NSUN7: variants seen among roughly 807,000 people sequenced by gnomAD.
The protein encoded by NSUN7 is NOP2/Sun RNA methyltransferase family member 7, also known as protein NSUN7.
NSUN7 carries 39 observed loss-of-function variants against 58.5 expected under a neutral mutation model. The ratio of observed to expected loss-of-function variants is 0.67; its 90% CI spans 0.52 to 0.87. NSUN7 has a LOEUF of 0.87. Ranked by LOEUF, NSUN7 falls within the 40% of genes least tolerant of loss-of-function variation. The pLI is 0.00. For synonymous variants in NSUN7, 278 were observed against 303.7 expected (o/e 0.92, Z 0.88); for missense variants, 765 against 844.1 (o/e 0.91, Z 1.16).
chr4:40,775,098 T>C lies in NSUN7; in HGVS notation c.825+148T>C, dbSNP rs922273043. ...GCCTAATTGTCACCTTGAATAAAAT[T>C]AATACCTCTACAATCAGTGCATCTG... On this transcript the variant is annotated intron_variant, in intron 6 of 11. Coordinates refer to ENST00000381782, the MANE Select transcript of NSUN7 (RefSeq NM_024677.6). The surrounding 1 kb of genome is among the most constrained non-coding windows in gnomAD (Gnocchi z 4.3). The C allele has an allele frequency of 2.3e-6, 1 of 440,224 alleles. No individual in the cohort carries two copies. The highest frequency in any genetic ancestry group is 2.0e-5 in the African/African-American group (1 of 49,302). The allele number at this position is 440,224 out of a possible 1,614,324, so 27.3% of individuals were successfully genotyped here.
chr4:40,778,054 G>T (rs1455942157), intron 7 of NSUN7, among the ~76,000 whole-genome samples: 1 of 152,206 alleles, frequency 6.6e-6, no homozygotes, highest in African/African-American at 2.4e-5. Flanking sequence ...GGAAATAAAT[G>T]AGATATGGAT....
At chr4:40,795,788 A>G (rs910641106) in intron 9 of NSUN7, among the ~76,000 whole-genome samples, 1 of 152,238 alleles carries the variant, frequency 6.6e-6, no homozygotes, top group African/African-American at 2.4e-5. Flanking sequence ...GTAATCTGTC[A>G]TGGGATTAGA....
intron 9 of NSUN7, among the ~76,000 whole-genome samples, chr4:40,798,135 T>G (rs1487950225): frequency 1.3e-5 from 2 of 152,216 alleles, no homozygotes; most frequent in African/African-American, 2.4e-5. Context: ...TCCATAGCAT[T>G]GATCACTTAA....
chr4:40,786,775 A>T, intron 7 of NSUN7: 4 of 1,454,914 alleles, frequency 2.7e-6, no homozygotes, highest in Non-Finnish European at 3.7e-6. Flanking sequence ...TGACAAATAG[A>T]AGAGTGTCTA....
chr4:40,772,716 C>T (rs10014919), intron 4 of NSUN7, among the ~76,000 whole-genome samples: 47,953 of 152,000 alleles, frequency 0.32, 7,858 homozygotes, highest in Admixed American at 0.46. Context: ...TGCTCATTTA[C>T]TACCCCTCTT....
chr4:40,799,073 C>CTTTTTGTTTTTTTT lies in NSUN7; in HGVS notation c.1400+174_1400+175insGTTTTTTTTTTTTT, dbSNP rs1553919775. Among the ~76,000 whole-genome samples the CTTTTTGTTTTTTTT allele has an allele frequency of 2.9e-4, 22 of 76,244 alleles. 4 individuals are homozygous for CTTTTTGTTTTTTTT. Among genetic ancestry groups the CTTTTTGTTTTTTTT allele is most frequent in the African/African-American group, 6.4e-4 (13 of 20,162 alleles). The allele number at this position is 76,244 out of a possible 152,430, so 50.0% of individuals were successfully genotyped here. ...AACCAAGATTCCATAGGGCCTTTTT[C>CTTTTTGTTTTTTTT]TTTTTTTTTTTTTTTTTTTTTTTTT... On this transcript the variant is annotated intron_variant, in intron 10 of 11. Coordinates refer to ENST00000381782, the MANE Select transcript of NSUN7 (RefSeq NM_024677.6).
intron 7 of NSUN7, among the ~76,000 whole-genome samples, chr4:40,780,669 G>A (rs78624005): frequency 0.017 from 2,497 of 149,516 alleles, 72 homozygotes; most frequent in African/African-American, 0.059. Flanking sequence ...TAGCAAATAG[G>A]ATGGTAGATT....
Position 40,763,105 on chromosome 4 carries a change from C to T in NSUN7, c.488+1804C>T, listed in dbSNP as rs375767839. Among the ~76,000 whole-genome samples the T allele has an allele frequency of 3.9e-5, 6 of 152,274 alleles. 1 individual carries two copies. In the South Asian group the frequency reaches 1.2e-3, roughly 32 times the overall value. The stretch of plus-strand genomic sequence containing the variant: ...AAGGGGAGTAGCCAGAATTCACACT[C>T]AGGAGTGACTCCAGAGTCCAAACTT... On this transcript the variant is annotated intron_variant, in intron 4 of 11. Transcript: ENST00000381782.
chr4:40,759,993 G>A (rs564790982), intron 2 of NSUN7, among the ~76,000 whole-genome samples: 103 of 152,208 alleles, frequency 6.8e-4, no homozygotes, highest in Non-Finnish European at 1.4e-3. Context: ...AGCTGAGATC[G>A]CACCATTGTA....
At chr4:40,785,639 G>A (rs1742781569) in intron 7 of NSUN7, among the ~76,000 whole-genome samples, 1 of 151,666 alleles carries the variant, frequency 6.6e-6, no homozygotes, top group Non-Finnish European at 1.5e-5. Context: ...GGGATTACAG[G>A]CGTGAGCCAC....
intron 9 of NSUN7, among the ~76,000 whole-genome samples, chr4:40,796,168 A>C (rs1743318148): frequency 6.6e-6 from 1 of 152,190 alleles, no homozygotes; most frequent in South Asian, 2.1e-4. Flanking sequence ...AGCCTGGACA[A>C]CATGGTGAAA....
At chr4:40,761,664 G>T (rs1396112047) in intron 4 of NSUN7, among the ~76,000 whole-genome samples, 1 of 152,050 alleles carries the variant, frequency 6.6e-6, no homozygotes, top group Non-Finnish European at 1.5e-5. Context: ...TGAATCAAAT[G>T]AGAAAATTCC....
intron 3 of NSUN7, 36 bp downstream of exon 3, chr4:40,760,528 G>C (rs1741398359): frequency 6.7e-7 from 1 of 1,494,590 alleles, no homozygotes; most frequent in Non-Finnish European, 9.2e-7. Flanking sequence ...ATCGTTTCAT[G>C]ATTTTTTTTA....
intron 9 of NSUN7, among the ~76,000 whole-genome samples, chr4:40,797,954 C>A (rs1717760994): frequency 6.6e-6 from 1 of 152,226 alleles, no homozygotes; most frequent in Non-Finnish European, 1.5e-5. Flanking sequence ...CAGGCCTTTA[C>A]ACTGGCTGTT....
At chr4:40,754,480 T>C (rs1226207017) in intron 2 of NSUN7, among the ~76,000 whole-genome samples, 4 of 152,228 alleles carry the variant, frequency 2.6e-5, no homozygotes, top group Non-Finnish European at 5.9e-5. Context: ...TATTGGAGGC[T>C]CTTATGCATT....
At chr4:40,757,541 A>C (rs1741202277) in intron 2 of NSUN7, among the ~76,000 whole-genome samples, 1 of 146,760 alleles carries the variant, frequency 6.8e-6, no homozygotes, top group Non-Finnish European at 1.5e-5. Flanking sequence ...AAAATTATAT[A>C]TATATATATA....
In NSUN7 at chr4:40,757,579, ATATATATACACATTGTGTG is replaced by A. The variant is rs1233037041; in HGVS notation, c.299-2846_299-2828del. Among the ~76,000 whole-genome samples, 686 of 146,274 alleles carry A rather than the reference ATATATATACACATTGTGTG, an allele frequency of 4.7e-3. 6 individuals carry two copies. The highest frequency in any genetic ancestry group is 0.016 in the African/African-American group (617 of 39,616). On this transcript the variant is annotated intron_variant, in intron 2 of 11. Coordinates refer to ENST00000381782, the MANE Select transcript of NSUN7 (RefSeq NM_024677.6). ...AATTATATATATATATAAATTGCAT[ATATATATACACATTGTGTG>A]TATATATATACATTGTGTGTATATA...
chr4:40,784,473 G>T (rs1742717084), intron 7 of NSUN7, among the ~76,000 whole-genome samples: 1 of 152,194 alleles, frequency 6.6e-6, no homozygotes, highest in Non-Finnish European at 1.5e-5. Flanking sequence ...GGTGCAAGAT[G>T]GATGACTCTT....
At chr4:40,779,738 A>G (rs77845529) in intron 7 of NSUN7, among the ~76,000 whole-genome samples, 4,162 of 152,326 alleles carry the variant, frequency 0.027, 152 homozygotes, top group Admixed American at 0.094. Context: ...CTGCGGGACT[A>G]AAGATATTTA....
Sources: gnomAD v4.1 joint callset for allele counts (sites outside exome capture counted in the v4.1 genomes callset) on GRCh38, gnomAD v4.1.1 for gene constraint, Gnocchi (gnomAD v3.1) non-coding constraint, MANE v1.5 for transcripts, NCBI Gene and HGNC (gene_info 2026-07-23, HGNC 2026-07-21) for gene names.